P2RX6: variants seen among roughly 807,000 people sequenced by gnomAD.
P2RX6 encodes the protein P2X purinoceptor 6.
P2RX6 carries 62 observed loss-of-function variants against 54.2 expected under a neutral mutation model. The ratio of observed to expected loss-of-function variants is 1.14; its 90% CI spans 0.93 to 1.41. P2RX6 has a LOEUF of 1.41. Ranked by LOEUF, P2RX6 falls within the 40% of genes most tolerant of loss-of-function variation. P2RX6 has a pLI of 0.00. For missense variants in P2RX6, 541 were observed against 566.3 expected, an observed-to-expected ratio of 0.96 and a Z score of 0.45; for synonymous variants, 211 against 231.9, an observed-to-expected ratio of 0.91 and a Z score of 0.82.
rs762468108 is a variant in P2RX6 at position 21,026,539 on chromosome 22, T to G, written c.1248T>G (p.Ala416=). ...SSAPAPTATA[A]GSQTQTPGWP... is the part of the protein sequence containing the mutation. ...CACCTGCACCCACGGCCACTGCTGCTGGGAGTCAGACACAGACACCAGGAT... is the reference window on the plus strand; with the variant it reads ...CACCTGCACCCACGGCCACTGCTGCGGGGAGTCAGACACAGACACCAGGAT... Residue 416 remains alanine (A), a synonymous_variant, in exon 12 of 12, where the codon GCT becomes GCG. Transcript: ENST00000413302. The surrounding 1 kb of genome is among the most constrained non-coding windows in gnomAD (Gnocchi z 4.0). 1.6e-5 allele frequency: 25 copies of G among 1,590,788 alleles called. 1 individual carries two copies. The highest frequency in any genetic ancestry group is 2.1e-5 in the Non-Finnish European group (25 of 1,169,576).
In P2RX6 at chr22:21,023,469, G is replaced by A. The variant is rs756074631; in HGVS notation, c.781-40G>A. On this transcript the variant is annotated intron_variant, in intron 7 of 11. Transcript: ENST00000413302. ...CTAGAGGGCTCTGGGAGAGGGTCCC[G>A]GGCCCACCCACCGGTGGAAAAGCTA... 26 of 1,613,362 alleles carry A rather than the reference G, an allele frequency of 1.6e-5. No individual in the cohort carries two copies. The African/African-American group carries it at 2.0e-4, about 12-fold the overall frequency.
At chr22:21,012,171 C>A (rs915227267), upstream of P2RX6, among the ~76,000 whole-genome samples, 2 of 152,118 alleles carry the variant, frequency 1.3e-5, no homozygotes, top group African/African-American at 4.8e-5. Context: ...ACCTTGCCCA[C>A]CCCTTTCTTG....
In P2RX6 at chr22:21,027,826, G is replaced by C. The variant is rs1928698636; in HGVS notation, c.*1209G>C. 6.6e-6 allele frequency: 1 copy of C among 152,338 alleles called. No homozygotes were observed. Among genetic ancestry groups the C allele is most frequent in the Non-Finnish European group, 1.5e-5 (1 of 68,142 alleles). The allele number at this position is 152,338 out of a possible 1,614,324, so 9.4% of individuals were successfully genotyped here. A position where few individuals can be genotyped will look rare whatever the true frequency, so the allele number is the denominator to read the frequency against. ...CCTCAGTAAAATGCCTGGGGTCCCT[G>C]CTGCCTCTCAATCTCCAGAGCCATG... On this transcript the variant is annotated 3_prime_UTR_variant, in exon 12 of 12. Transcript: ENST00000413302.
In P2RX6 at chr22:21,025,877, C is replaced by A; in HGVS notation, c.963C>A (p.Phe321Leu). 1 of 1,575,752 alleles carries A rather than the reference C, an allele frequency of 6.3e-7. No homozygotes were observed. Among genetic ancestry groups the A allele is most frequent in the Non-Finnish European group, 8.6e-7 (1 of 1,161,168 alleles). Residue 321 changes from phenylalanine (F) to leucine (L), a missense_variant, in exon 9 of 12, where the codon TTC becomes TTA. By Grantham distance (22) the Phe-to-Leu change is conservative. Transcript: ENST00000413302. The stretch of plus-strand genomic sequence containing the variant: ...TGCTCAAGCTCTATGGAATCCGCTT[C>A]GACATCCTCGTCACCGGGCAGGTAG... ...RTLLKLYGIR[F>L]DILVTGQAGK...
upstream of P2RX6, among the ~76,000 whole-genome samples, chr22:21,014,531 A>T (rs1319148110): frequency 2.0e-5 from 3 of 151,964 alleles, no homozygotes. Context: ...CTGCCTTCCT[A>T]GGGGGTTCCA....
In P2RX6 at chr22:21,026,903, G is replaced by A. The variant is rs571213913; in HGVS notation, c.*286G>A. 18 of 517,494 alleles carry A rather than the reference G, an allele frequency of 3.5e-5. No homozygotes were observed. Among genetic ancestry groups the A allele is most frequent in the African/African-American group, 1.9e-4 (10 of 52,340 alleles). 32.1% of individuals were successfully genotyped at this position (517,494 alleles called of 1,614,324 possible). ...TGCATGTGGCAGGGGCTCCTGCTGC[G>A]TCTGGGCCTGGAGGTCTCTCTCCCA... On this transcript the variant is annotated 3_prime_UTR_variant, in exon 12 of 12. Coordinates refer to ENST00000413302, the MANE Select transcript of P2RX6 (RefSeq NM_005446.5). The surrounding 1 kb of genome is among the most constrained non-coding windows in gnomAD (Gnocchi z 4.0).
chr22:21,021,462 C>G, intron 3 of P2RX6, among the ~76,000 whole-genome samples: 1 of 152,120 alleles, frequency 6.6e-6, no homozygotes, highest in East Asian at 1.9e-4. Context: ...GGTAGCCCAG[C>G]TGGGGTGAAG....
At chr22:21,012,328 G>T (rs1306942512), upstream of P2RX6, among the ~76,000 whole-genome samples, 1 of 152,122 alleles carries the variant, frequency 6.6e-6, no homozygotes, top group African/African-American at 2.4e-5. Flanking sequence ...ATGAGGAAGG[G>T]ACTTGTATCC....
rs1405243097 is a variant in P2RX6, at chr22:21,027,511, G to A, written c.*894G>A. On this transcript the variant is annotated 3_prime_UTR_variant, in exon 12 of 12. Transcript: ENST00000413302. ...CTTCAGTCCAAGTCATACCTAGGAA[G>A]CTGTCTGGGCAGCTGCTCGAGGGAG... The A allele has an allele frequency of 1.3e-5, 2 of 152,284 alleles. No individual in the cohort carries two copies. The highest frequency in any genetic ancestry group is 2.9e-5 in the Non-Finnish European group (2 of 68,162). 9.4% of individuals were successfully genotyped at this position (152,284 alleles called of 1,614,324 possible). A position where few individuals can be genotyped will look rare whatever the true frequency, so the allele number is the denominator to read the frequency against.
intron 2 of P2RX6, among the ~76,000 whole-genome samples, chr22:21,017,580 T>C (rs929729044): frequency 1.3e-5 from 2 of 152,178 alleles, no homozygotes; most frequent in African/African-American, 4.8e-5. Flanking sequence ...CCAGGCATGG[T>C]AGCTGGAGCC....
At chr22:21,015,469 G>A (rs906024925) in intron 1 of P2RX6, 131 bp downstream of exon 1, 16 of 1,002,214 alleles carry the variant, frequency 1.6e-5, no homozygotes, top group African/African-American at 1.3e-4. Context: ...AGATTGGGAC[G>A]GGGTTGGGGA....
At position 21,025,836 on chromosome 22, in the gene P2RX6, G is replaced by C; in HGVS notation, c.922G>C (p.Val308Leu). 2 of 1,565,796 alleles carry C rather than the reference G, an allele frequency of 1.3e-6. No individual in the cohort carries two copies. Among genetic ancestry groups the C allele is most frequent in the Non-Finnish European group, 1.7e-6 (2 of 1,155,576 alleles). ...CACTCACTGGTGGGAGCAACCGGGT[G>C]TGGAGGCCCGCACCCTGCTCAAGCT... ...TATHWWEQPG[V>L]EARTLLKLYG... Residue 308 changes from valine (V) to leucine (L), a missense_variant, in exon 9 of 12, where the codon GTG becomes CTG. Transcript: ENST00000413302.
chr22:21,023,595 G>A lies in P2RX6; in HGVS notation c.867G>A (p.Leu289=), dbSNP rs1196640320. The A allele has an allele frequency of 6.2e-7, 1 of 1,610,924 alleles. No individual in the cohort carries two copies. Among genetic ancestry groups the A allele is most frequent in the Non-Finnish European group, 8.5e-7 (1 of 1,178,554 alleles). Residue 289 remains leucine, a synonymous_variant, in exon 8 of 12, where the codon CTG becomes CTA. Transcript: ENST00000413302. ...GCTGGCCTCACTACTCCTTCCAGCT[G>A]CAGGAGAAGAGCTACAACTTCAGGT... is the stretch of plus-strand genomic sequence containing the variant. ...SGCWPHYSFQ[L]QEKSYNFRTA... is the part of the protein sequence containing the mutation.
upstream of P2RX6, among the ~76,000 whole-genome samples, chr22:21,010,559 C>A (rs1385043638): frequency 6.6e-6 from 1 of 152,114 alleles, no homozygotes; most frequent in Non-Finnish European, 1.5e-5. Context: ...TGCAGATTCA[C>A]TGGCATTCCC....
upstream of P2RX6, chr22:21,013,742 A>G (rs567710549): frequency 6.6e-6 from 1 of 152,406 alleles, no homozygotes; most frequent in East Asian, 1.9e-4. Context: ...AAAAACCGGA[A>G]GTAGTTCTAA....
At position 21,016,013 on chromosome 22, in the gene P2RX6, T is replaced by C; in HGVS notation, c.236T>C (p.Leu79Pro). Reference protein sequence around the residue: ...LEPQFSIITKLKGVSVTQIKE... With the variant: ...LEPQFSIITKPKGVSVTQIKE... ...CCCCAGTTTTCCATCATCACCAAAC[T>C]CAAAGGGGTTTCCGTCACTCAGATC... Residue 79 changes from leucine to proline, a missense_variant, in exon 2 of 12, where the codon CTC becomes CCC. Physicochemically the swap from Leu to Pro is moderately conservative, Grantham distance 98 (BLOSUM62 -3). This residue lies in a region of P2RX6 where 526 missense variants were observed against 531.5 expected (regional missense o/e 0.99). Transcript: ENST00000413302. The C allele has an allele frequency of 6.4e-7, 1 of 1,552,626 alleles. No homozygotes were observed. The highest frequency in any genetic ancestry group is 8.7e-7 in the Non-Finnish European group (1 of 1,148,574).
At chr22:21,011,917 C>T (rs12165467), upstream of P2RX6, among the ~76,000 whole-genome samples, 40,923 of 152,054 alleles carry the variant, frequency 0.27, 6,351 homozygotes, top group African/African-American at 0.42. Flanking sequence ...ACTTCAGAAG[C>T]CCTCACTGCC....
chr22:21,020,324 A>C (rs1315129643), intron 3 of P2RX6, among the ~76,000 whole-genome samples: 1 of 152,186 alleles, frequency 6.6e-6, no homozygotes. Context: ...GGAAGACCAG[A>C]GTTCTGCCAG....
intron 1 of P2RX6, 115 bp downstream of exon 1, chr22:21,015,453 G>A: frequency 2.5e-6 from 3 of 1,184,990 alleles, no homozygotes; most frequent in African/African-American, 1.6e-5. Context: ...TGGAGTGGAA[G>A]GGGGCAGATT....
Sources: allele counts gnomAD v4.1 joint callset (sites outside exome capture counted in the v4.1 genomes callset), GRCh38; gene constraint gnomAD v4.1.1; regional missense constraint gnomAD v4.1.1; non-coding constraint Gnocchi (gnomAD v3.1); transcripts MANE v1.5; gene names NCBI Gene and HGNC (gene_info 2026-07-23, HGNC 2026-07-21).